The following GALNT18 variants were observed in gnomAD, a reference collection of about 807,000 sequenced individuals.
GALNT18 encodes GalNAc-transferase 18.
GALNT18 carries 44 observed loss-of-function variants against 69.5 expected under a neutral mutation model. The ratio of observed to expected loss-of-function variants is 0.63; its 90% CI spans 0.50 to 0.81. The LOEUF is 0.81. Ranked by LOEUF, GALNT18 falls within the 40% of genes least tolerant of loss-of-function variation. The pLI is 0.00. For missense variants in GALNT18, 715 were observed against 810.0 expected (o/e 0.88, Z 1.42); for synonymous variants, 364 against 318.2 (o/e 1.14, Z -1.53).
In GALNT18 at chr11:11,320,455, A is replaced by C. The variant is rs1849824275; in HGVS notation, c.1512+6631T>G. Among the ~76,000 whole-genome samples, 4 of 152,328 alleles carry C rather than the reference A, an allele frequency of 2.6e-5. No homozygotes were observed. In the South Asian group the frequency reaches 8.3e-4, roughly 32 times the overall value. ...AAAGATCTTGCTGAGAACTGCCAGT[A>C]GGAGGGGGTGACATCCCTGGAAATG... On this transcript the variant is annotated intron_variant, in intron 9 of 10. Transcript: ENST00000227756. The surrounding 1 kb of genome is among the most constrained non-coding windows in gnomAD (Gnocchi z 4.9).
intron 6 of GALNT18, among the ~76,000 whole-genome samples, chr11:11,365,054 C>A (rs538856184): frequency 1.3e-5 from 2 of 151,844 alleles, no homozygotes; most frequent in African/African-American, 2.4e-5. Flanking sequence ...AAATGGGATA[C>A]GAGTGCAGAA....
chr11:11,362,179 T>C lies in GALNT18; in HGVS notation c.1092+10336A>G, dbSNP rs548967282. ...TCACACCAAACTGCAGGATCAATTCTGAATGAATCGGAGACTAAAATGTAA... is the reference window on the plus strand; with the variant it reads ...TCACACCAAACTGCAGGATCAATTCCGAATGAATCGGAGACTAAAATGTAA... On this transcript the variant is annotated intron_variant, in intron 6 of 10. Coordinates refer to ENST00000227756, the MANE Select transcript of GALNT18 (RefSeq NM_198516.3). 7.2e-5 allele frequency among the ~76,000 whole-genome samples: 11 copies of C among 152,324 alleles called. No homozygotes were observed. The South Asian group carries it at 2.3e-3, about 32-fold the overall frequency.
chr11:11,577,802 T>G (rs150165091), intron 1 of GALNT18, among the ~76,000 whole-genome samples: 26 of 152,194 alleles, frequency 1.7e-4, no homozygotes, highest in African/African-American at 6.3e-4. Context: ...GTTTGGGAAG[T>G]GATTAAATAG....
chr11:11,365,463 A>G (rs572298042), intron 6 of GALNT18, among the ~76,000 whole-genome samples: 1 of 152,342 alleles, frequency 6.6e-6, no homozygotes, highest in African/African-American at 2.4e-5. Context: ...ACATACATGT[A>G]CATGAGTCTT....
chr11:11,284,707 T>G (rs1308923639), intron 10 of GALNT18, among the ~76,000 whole-genome samples: 10 of 152,156 alleles, frequency 6.6e-5, no homozygotes. Flanking sequence ...AGCAGCCCAG[T>G]GGGTCTTTGG....
At chr11:11,395,478 A>G (rs1486341093) in intron 3 of GALNT18, among the ~76,000 whole-genome samples, 1 of 152,184 alleles carries the variant, frequency 6.6e-6, no homozygotes, top group Non-Finnish European at 1.5e-5. Flanking sequence ...CTTCACAATG[A>G]TCCCATGAGA....
Position 11,309,534 on chromosome 11 carries a change from C to T in GALNT18, c.1513-16341G>A, listed in dbSNP as rs1190113412. ...ATTTTTAAATTCCTTACTTTTTCTG[C>T]CTTTTACACCCTGTAAACCCCACCT... On this transcript the variant is annotated intron_variant, in intron 9 of 10. Transcript: ENST00000227756. This position sits in a 1 kb window ranked among gnomAD's most constrained non-coding sequence, Gnocchi z 4.6. 6.6e-6 allele frequency among the ~76,000 whole-genome samples: 1 copy of T among 152,112 alleles called. No individual in the cohort carries two copies. The highest frequency in any genetic ancestry group is 2.4e-5 in the African/African-American group (1 of 41,400).
rs996626300 is a variant in GALNT18 at position 11,620,135 on chromosome 11, CG to C, written c.235+1223del. Among the ~76,000 whole-genome samples the C allele has an allele frequency of 4.8e-4, 31 of 64,986 alleles. No homozygotes were observed. The highest frequency in any genetic ancestry group is 1.7e-3 in the African/African-American group (29 of 16,852). The allele number at this position is 64,986 out of a possible 152,430, so 42.6% of individuals were successfully genotyped here. The stretch of plus-strand genomic sequence containing the variant: ...TGTAAACAAAAGGGAGTGCTCCTGG[CG>C]GGGGGGTGGGGGGTAAGCCTTCAGT... On this transcript the variant is annotated intron_variant, in intron 1 of 10. Transcript: ENST00000227756. The surrounding 1 kb of genome is among the most constrained non-coding windows in gnomAD (Gnocchi z 6.9).
At chr11:11,548,279 G>T (rs908072031) in intron 1 of GALNT18, among the ~76,000 whole-genome samples, 3 of 152,170 alleles carry the variant, frequency 2.0e-5, no homozygotes, top group Admixed American at 2.0e-4. Context: ...AATCAATCTT[G>T]TCCTTGCCTT....
intron 9 of GALNT18, among the ~76,000 whole-genome samples, chr11:11,323,874 C>CCACA (rs1849875493): frequency 6.6e-6 from 1 of 152,166 alleles, no homozygotes; most frequent in Admixed American, 6.5e-5. Context: ...TTATCATGAG[C>CCACA]CACACCTTAG....
At chr11:11,558,817 A>G (rs1240700455) in intron 1 of GALNT18, among the ~76,000 whole-genome samples, 1 of 152,218 alleles carries the variant, frequency 6.6e-6, no homozygotes, top group East Asian at 1.9e-4. Context: ...CTTTGTTTAT[A>G]GAGAAAATAA....
intron 3 of GALNT18, among the ~76,000 whole-genome samples, chr11:11,420,185 C>T (rs1386347846): frequency 5.9e-5 from 9 of 151,924 alleles, no homozygotes; most frequent in Admixed American, 2.0e-4. Flanking sequence ...CCAGTCACCA[C>T]GGGAGAGAGC....
chr11:11,481,300 A>G (rs994681), intron 1 of GALNT18, among the ~76,000 whole-genome samples: 145,147 of 152,174 alleles, frequency 0.95, 69,535 homozygotes, highest in East Asian at 1. Context: ...CTCGCTGAGC[A>G]TGAATCCCTC....
rs375002003 is a variant in GALNT18, at chr11:11,572,123, C to T, written c.235+49236G>A. Among the ~76,000 whole-genome samples the T allele has an allele frequency of 2.9e-4, 44 of 152,320 alleles. 1 individual carries two copies. In the East Asian group the frequency reaches 6.8e-3, roughly 23 times the overall value. On this transcript the variant is annotated intron_variant, in intron 1 of 10. Coordinates refer to ENST00000227756, the MANE Select transcript of GALNT18 (RefSeq NM_198516.3). Reference sequence around the variant, plus strand: ...TCTCCCTGTGCAAGCAGGCCTGTGCCGCAGGGCGTGGGCATCATCGAGTAG... The same window carrying T: ...TCTCCCTGTGCAAGCAGGCCTGTGCTGCAGGGCGTGGGCATCATCGAGTAG...
At chr11:11,487,296 C>T (rs1263258129) in intron 1 of GALNT18, among the ~76,000 whole-genome samples, 1 of 152,158 alleles carries the variant, frequency 6.6e-6, no homozygotes, top group East Asian at 1.9e-4. Flanking sequence ...TGAAAGACTA[C>T]AAATTGGGTT....
chr11:11,290,539 T>C (rs1849278144), intron 10 of GALNT18, among the ~76,000 whole-genome samples: 1 of 152,180 alleles, frequency 6.6e-6, no homozygotes, highest in Non-Finnish European at 1.5e-5. Flanking sequence ...CGGCCACCCC[T>C]GACTCCCGGC....
At chr11:11,330,116 C>A (rs1232560945) in intron 8 of GALNT18, among the ~76,000 whole-genome samples, 1 of 152,166 alleles carries the variant, frequency 6.6e-6, no homozygotes, top group South Asian at 2.1e-4. Context: ...CTTATGCCCA[C>A]ACGATGGGGC....
At chr11:11,369,968 T>C (rs989751811) in intron 6 of GALNT18, among the ~76,000 whole-genome samples, 2 of 152,216 alleles carry the variant, frequency 1.3e-5, no homozygotes, top group African/African-American at 4.8e-5. Flanking sequence ...GTGATATATC[T>C]GTCTAGTCCT....
rs1241753345 is a variant in GALNT18, at chr11:11,585,742, T to C, written c.235+35617A>G. Among the ~76,000 whole-genome samples the C allele has an allele frequency of 5.3e-5, 8 of 151,600 alleles. No individual in the cohort carries two copies. In the South Asian group the frequency reaches 1.7e-3, roughly 32 times the overall value. ...AATGTGAGACTCCATTTTTCTTCTA[T>C]CAAACCAGGTATCAAAAAGATTTGT... On this transcript the variant is annotated intron_variant, in intron 1 of 10. Coordinates refer to ENST00000227756, the MANE Select transcript of GALNT18 (RefSeq NM_198516.3).
Sources: allele counts gnomAD v4.1 joint callset (sites outside exome capture counted in the v4.1 genomes callset), GRCh38; gene constraint gnomAD v4.1.1; non-coding constraint Gnocchi (gnomAD v3.1); transcripts MANE v1.5; gene names NCBI Gene and HGNC (gene_info 2026-07-23, HGNC 2026-07-21).